PKP4: variants seen among roughly 807,000 people sequenced by gnomAD.
PKP4 encodes plakophilin-4.
A neutral mutation model predicts 145.1 loss-of-function variants in PKP4; 90 were observed. That is an observed-to-expected ratio of 0.62 (90% CI 0.52 to 0.74). The LOEUF (loss-of-function observed/expected upper bound fraction) is 0.74, where lower values mean the gene tolerates loss of function less well. Ranked by LOEUF, PKP4 falls within the 30% of genes least tolerant of loss-of-function variation. The pLI, the probability that PKP4 is intolerant of heterozygous loss-of-function variation, is 0.00. For missense variants in PKP4, 1,340 were observed against 1,482.7 expected (o/e 0.90, Z 1.58); for synonymous variants, 563 against 577.2 (o/e 0.98, Z 0.35).
At position 158,663,064 on chromosome 2, in the gene PKP4, A is replaced by C; in HGVS notation, c.2379A>C (p.Lys793Asn). 1 of 1,611,024 alleles carries C rather than the reference A, an allele frequency of 6.2e-7. No homozygotes were observed. The highest frequency in any genetic ancestry group is 8.5e-7 in the Non-Finnish European group (1 of 1,179,194). The change falls in exon 14 of 22, where the codon AAA (lysine) becomes AAC (asparagine). Residue 793 changes from lysine (K) to asparagine (N), a missense_variant. Physicochemically the swap from Lys to Asn is moderately conservative, Grantham distance 94. Transcript: ENST00000389759. ...PSCWGKKKKK[K>N]KRTPQEDQWD... ...GCTGGGGGAAGAAGAAGAAAAAGAA[A>C]AAGAGGACTCCGCAAGAAGATCAAG...
At chr2:158,621,149 G>C (rs1448374551) in intron 5 of PKP4, 28 bp downstream of exon 5, 1 of 1,613,688 alleles carries the variant, frequency 6.2e-7, no homozygotes, top group Non-Finnish European at 8.5e-7. Flanking sequence ...TTAAGTACTG[G>C]ATTTGCTTTT....
chr2:158,546,106 G>A (rs984322678), intron 2 of PKP4, among the ~76,000 whole-genome samples: 2 of 152,148 alleles, frequency 1.3e-5, no homozygotes, highest in Non-Finnish European at 1.5e-5. Flanking sequence ...CTGAATTTGT[G>A]TATCTGTTCT....
intron 11 of PKP4, among the ~76,000 whole-genome samples, chr2:158,655,472 A>G (rs2055820404): frequency 6.6e-6 from 1 of 152,212 alleles, no homozygotes; most frequent in African/African-American, 2.4e-5. Context: ...AGGATCCAAT[A>G]TGCTGAAAAA....
intron 11 of PKP4, 73 bp downstream of exon 11, chr2:158,642,772 A>G (rs753561162): frequency 8.1e-6 from 9 of 1,107,620 alleles, no homozygotes; most frequent in Non-Finnish European, 1.2e-5. Context: ...GTATAGTGGC[A>G]CTATGGAAGA....
At chr2:158,595,166 C>T (rs1427094643) in intron 3 of PKP4, among the ~76,000 whole-genome samples, 1 of 152,172 alleles carries the variant, frequency 6.6e-6, no homozygotes, top group Non-Finnish European at 1.5e-5. Context: ...GATAAAGGCC[C>T]TGTTTCCCAA....
rs761460638 is a variant in PKP4 at position 158,680,425 on chromosome 2, A to G, written c.3331-4A>G. 1.5e-5 allele frequency: 24 copies of G among 1,565,288 alleles called. 1 individual carries two copies. In the East Asian group the frequency reaches 4.3e-4, roughly 28 times the overall value. On this transcript the variant is annotated splice_region_variant and splice_polypyrimidine_tract_variant and intron_variant, in intron 21 of 21. Transcript: ENST00000389759. ...ATTTATTTGCCTTTTCATTTTGTCA[A>G]CAGCATCAACAGCTGTATTATAGTC...
chr2:158,629,906 G>T (rs2053189211), intron 7 of PKP4, among the ~76,000 whole-genome samples: 2 of 151,940 alleles, frequency 1.3e-5, no homozygotes, highest in African/African-American at 2.4e-5. Flanking sequence ...GCTAATTTTT[G>T]GATTTTTAGT....
At position 158,621,303 on chromosome 2, in the gene PKP4, G is replaced by A; in HGVS notation, c.485G>A (p.Ser162Asn). The A allele has an allele frequency of 1.2e-6, 2 of 1,614,166 alleles. No homozygotes were observed. The highest frequency in any genetic ancestry group is 1.7e-6 in the Non-Finnish European group (2 of 1,180,006). The part of the protein sequence containing the change: ...YSDSGYQEAG[S>N]FHNSQNVSKA... Reference sequence around the variant, plus strand: ...GACAGTGGATACCAGGAAGCAGGGAGTTTCCACAACAGCCAGAACGTGAGC... The same window carrying A: ...GACAGTGGATACCAGGAAGCAGGGAATTTCCACAACAGCCAGAACGTGAGC... The change falls in exon 6 of 22, where the codon AGT becomes AAT. Residue 162 changes from serine (S) to asparagine (N), a missense_variant. Coordinates refer to ENST00000389759, the MANE Select transcript of PKP4 (RefSeq NM_003628.6).
At chr2:158,522,687 G>A in intron 1 of PKP4, among the ~76,000 whole-genome samples, 1 of 152,244 alleles carries the variant, frequency 6.6e-6, no homozygotes, top group East Asian at 1.9e-4. Context: ...CGACGCAGAA[G>A]ACGGGTGATT....
At chr2:158,462,113 A>G (rs1036411224) in intron 1 of PKP4, among the ~76,000 whole-genome samples, 1 of 152,232 alleles carries the variant, frequency 6.6e-6, no homozygotes, top group Non-Finnish European at 1.5e-5. Context: ...GTTTACAAAT[A>G]GACTTTTGAA....
rs1192824781 is a variant in PKP4 at position 158,490,736 on chromosome 2, A to G, written c.-6+33518A>G. ...CAGTAGCAAATCCCCTGGAAGACTG[A>G]TCTGACCACCTCCTGTTTATTCTCC... On this transcript the variant is annotated intron_variant, in intron 1 of 21. Coordinates refer to ENST00000389759, the MANE Select transcript of PKP4 (RefSeq NM_003628.6). 2.0e-5 allele frequency among the ~76,000 whole-genome samples: 3 copies of G among 152,144 alleles called. No homozygotes were observed. The East Asian group carries it at 5.8e-4, about 29-fold the overall frequency.
chr2:158,517,079 T>A (rs1167210867), intron 1 of PKP4, among the ~76,000 whole-genome samples: 1 of 152,206 alleles, frequency 6.6e-6, no homozygotes, highest in East Asian at 1.9e-4. Flanking sequence ...TATTTCTAAA[T>A]CCCCATATGT....
At chr2:158,470,616 C>A (rs1236244566) in intron 1 of PKP4, among the ~76,000 whole-genome samples, 2 of 152,176 alleles carry the variant, frequency 1.3e-5, no homozygotes, top group Non-Finnish European at 2.9e-5. Flanking sequence ...AACCTGAAAT[C>A]TAAGGAAGGA....
At chr2:158,487,054 A>G (rs1694268260) in intron 1 of PKP4, among the ~76,000 whole-genome samples, 2 of 152,232 alleles carry the variant, frequency 1.3e-5, no homozygotes. Flanking sequence ...GAAACGTTAC[A>G]TCAGCATCCT....
chr2:158,640,325 A>ACAT (rs899877672), intron 9 of PKP4, among the ~76,000 whole-genome samples: 6 of 152,244 alleles, frequency 3.9e-5, no homozygotes, highest in African/African-American at 1.4e-4. Flanking sequence ...AGGTAGAAAG[A>ACAT]CATAAAATTA....
intron 1 of PKP4, among the ~76,000 whole-genome samples, chr2:158,459,335 G>T (rs975690969): frequency 6.6e-6 from 1 of 152,142 alleles, no homozygotes; most frequent in African/African-American, 2.4e-5. Context: ...TTTGCACCTG[G>T]TTATTTTATG....
intron 1 of PKP4, among the ~76,000 whole-genome samples, chr2:158,503,081 G>A (rs1314834877): frequency 6.6e-6 from 1 of 152,208 alleles, no homozygotes; most frequent in African/African-American, 2.4e-5. Flanking sequence ...GAATTCTTCA[G>A]CCTGATTAAA....
intron 7 of PKP4, 137 bp downstream of exon 7, chr2:158,625,564 T>G (rs941967964): frequency 4.5e-6 from 3 of 673,430 alleles, no homozygotes; most frequent in Non-Finnish European, 7.4e-6. Flanking sequence ...AAACTTAAGG[T>G]TAACTTGTCT....
chr2:158,464,322 A>T (rs994445542), intron 1 of PKP4, among the ~76,000 whole-genome samples: 2 of 152,228 alleles, frequency 1.3e-5, no homozygotes, highest in Non-Finnish European at 2.9e-5. Flanking sequence ...TAATTTTTAC[A>T]TATAGACAAT....
Sources: gnomAD v4.1 joint callset for allele counts (sites outside exome capture counted in the v4.1 genomes callset) on GRCh38, gnomAD v4.1.1 for gene constraint, MANE v1.5 for transcripts, NCBI Gene and HGNC (gene_info 2026-07-23, HGNC 2026-07-21) for gene names.